GALNTL6: variants seen among roughly 807,000 people sequenced by gnomAD.
The protein encoded by GALNTL6 is polypeptide N-acetylgalactosaminyltransferase-like 6.
In GALNTL6, 46 loss-of-function variants were observed where a neutral mutation model predicts 73.7. The observed-to-expected ratio is 0.62, with a 90% CI of 0.49 to 0.80. GALNTL6 has a LOEUF of 0.80. Ranked by LOEUF, GALNTL6 falls within the 30% of genes least tolerant of loss-of-function variation. GALNTL6 has a pLI of 0.00. For missense variants in GALNTL6, 604 were observed against 755.0 expected (o/e 0.80, Z 2.34); for synonymous variants, 259 against 263.7 (o/e 0.98, Z 0.17).
intron 5 of GALNTL6, among the ~76,000 whole-genome samples, chr4:172,349,843 A>T (rs1158890863): frequency 3.8e-5 from 3 of 79,644 alleles, no homozygotes; most frequent in African/African-American, 9.4e-5. Context: ...ATATATATAT[A>T]TATTTTTTTT....
chr4:172,392,459 T>A (rs1259152535), intron 5 of GALNTL6, among the ~76,000 whole-genome samples: 1 of 77,706 alleles, frequency 1.3e-5, no homozygotes, highest in East Asian at 3.4e-4. Context: ...GTATTTCTTA[T>A]TCATTTTTTT....
At position 172,948,618 on chromosome 4, in the gene GALNTL6, A is replaced by ATTTTT. The variant is rs369982668; in HGVS notation, c.1150-3407_1150-3403dup. Among the ~76,000 whole-genome samples the ATTTTT allele has an allele frequency of 1.2e-3, 169 of 136,528 alleles. 2 individuals are homozygous for ATTTTT. The highest frequency in any genetic ancestry group is 3.8e-3 in the Middle Eastern group (1 of 264). 89.6% of individuals were successfully genotyped at this position (136,528 alleles called of 152,430 possible). A position where few individuals can be genotyped will look rare whatever the true frequency, so the allele number is the denominator to read the frequency against. On this transcript the variant is annotated intron_variant, in intron 9 of 12. Coordinates refer to ENST00000506823, the MANE Select transcript of GALNTL6 (RefSeq NM_001034845.3). ...CAGGCACCTGCCACCAGCCTCGCTA[A>ATTTTT]TTTTTTTTTTTTTTTTGTATTTTTA...
intron 5 of GALNTL6, among the ~76,000 whole-genome samples, chr4:172,565,154 G>A (rs1383760790): frequency 6.6e-6 from 1 of 152,102 alleles, no homozygotes; most frequent in African/African-American, 2.4e-5. Flanking sequence ...CATTTATGAA[G>A]GCAAAGATCT....
At chr4:171,954,999 T>A (rs556121456) in intron 2 of GALNTL6, among the ~76,000 whole-genome samples, 1 of 152,266 alleles carries the variant, frequency 6.6e-6, no homozygotes, top group Admixed American at 6.5e-5. Flanking sequence ...AACCTCTTTT[T>A]AAAAATAAAT....
chr4:172,861,950 T>A (rs371043029), intron 7 of GALNTL6, among the ~76,000 whole-genome samples: 2 of 152,148 alleles, frequency 1.3e-5, no homozygotes, highest in South Asian at 4.1e-4. Flanking sequence ...ACTAATATAG[T>A]AAATTGGTAC....
chr4:172,981,919 C>A (rs1005437883), intron 10 of GALNTL6, among the ~76,000 whole-genome samples: 15 of 151,658 alleles, frequency 9.9e-5, no homozygotes, highest in Non-Finnish European at 2.2e-4. Flanking sequence ...GCCTCAGCCA[C>A]CCAAGTAGCT....
chr4:172,930,051 C>T (rs1044469021), intron 8 of GALNTL6, among the ~76,000 whole-genome samples: 7 of 152,006 alleles, frequency 4.6e-5, no homozygotes, highest in African/African-American at 9.7e-5. Context: ...CCGAGGTGGG[C>T]GGATCACCTG....
At chr4:172,377,695 G>A (rs1743087745) in intron 5 of GALNTL6, among the ~76,000 whole-genome samples, 2 of 152,156 alleles carry the variant, frequency 1.3e-5, no homozygotes, top group African/African-American at 4.8e-5. Flanking sequence ...GGAGGCAGCT[G>A]AGGCCTGGCA....
chr4:172,436,324 T>G (rs905553371), intron 5 of GALNTL6, among the ~76,000 whole-genome samples: 1 of 151,994 alleles, frequency 6.6e-6, no homozygotes, highest in Non-Finnish European at 1.5e-5. Flanking sequence ...TCATAAGATA[T>G]GAGATAAAAG....
chr4:172,547,933 T>C (rs1049020881), intron 5 of GALNTL6, among the ~76,000 whole-genome samples: 9 of 152,044 alleles, frequency 5.9e-5, no homozygotes, highest in African/African-American at 1.9e-4. Flanking sequence ...AGAGCCCCAG[T>C]GGTAGTGCAA....
At chr4:172,255,258 A>G (rs1163119885) in intron 3 of GALNTL6, among the ~76,000 whole-genome samples, 1 of 151,650 alleles carries the variant, frequency 6.6e-6, no homozygotes, top group African/African-American at 2.4e-5. Context: ...TCAAATCATT[A>G]GTTACCGCAA....
chr4:172,064,781 T>C (rs1192845329), intron 2 of GALNTL6, among the ~76,000 whole-genome samples: 2 of 152,120 alleles, frequency 1.3e-5, no homozygotes, highest in Non-Finnish European at 2.9e-5. Flanking sequence ...CTGGACAAAA[T>C]AACAAAAGTT....
intron 3 of GALNTL6, among the ~76,000 whole-genome samples, chr4:172,299,771 G>T (rs1739839587): frequency 1.3e-5 from 2 of 152,202 alleles, no homozygotes; most frequent in Non-Finnish European, 2.9e-5. Context: ...GTTTGCTGAG[G>T]AGTGCTTTAC....
chr4:171,830,912 T>C (rs1350893192), intron 2 of GALNTL6, among the ~76,000 whole-genome samples: 1 of 152,134 alleles, frequency 6.6e-6, no homozygotes, highest in Non-Finnish European at 1.5e-5. Context: ...TGTGTTTACA[T>C]TTAAATAACT....
At chr4:172,220,197 G>C (rs1278879276) in intron 2 of GALNTL6, among the ~76,000 whole-genome samples, 3 of 151,590 alleles carry the variant, frequency 2.0e-5, no homozygotes, top group Admixed American at 1.3e-4. Flanking sequence ...TAGAATGTAA[G>C]CTCTTCAAGG....
intron 5 of GALNTL6, among the ~76,000 whole-genome samples, chr4:172,560,585 C>T (rs1301521510): frequency 6.6e-6 from 1 of 152,174 alleles, no homozygotes; most frequent in Non-Finnish European, 1.5e-5. Context: ...CATGTAGCCA[C>T]TCTATGCATG....
At chr4:172,763,999 C>T (rs1738261590) in intron 5 of GALNTL6, among the ~76,000 whole-genome samples, 1 of 140,686 alleles carries the variant, frequency 7.1e-6, no homozygotes, top group Non-Finnish European at 1.5e-5. Context: ...ACCCTTGTTG[C>T]CAAGGCTGGA....
chr4:172,435,019 T>C (rs1027334261), intron 5 of GALNTL6, among the ~76,000 whole-genome samples: 3 of 152,030 alleles, frequency 2.0e-5, no homozygotes, highest in Non-Finnish European at 2.9e-5. Context: ...ATTTACTTTA[T>C]ATTTTTGCTC....
intron 8 of GALNTL6, among the ~76,000 whole-genome samples, chr4:172,908,254 G>A (rs1181405335): frequency 6.6e-6 from 1 of 152,046 alleles, no homozygotes; most frequent in African/African-American, 2.4e-5. Context: ...CTGAAACCAT[G>A]GAAAGAGAAG....
Sources: gnomAD v4.1 joint callset for allele counts (sites outside exome capture counted in the v4.1 genomes callset) on GRCh38, gnomAD v4.1.1 for gene constraint, MANE v1.5 for transcripts, NCBI Gene and HGNC (gene_info 2026-07-23, HGNC 2026-07-21) for gene names.